The following APP variants were observed in gnomAD, a reference collection of about 807,000 sequenced individuals.
APP encodes the protein amyloid-beta precursor protein.
In APP, 31 loss-of-function variants were observed where a neutral mutation model predicts 101.4. That is an observed-to-expected ratio of 0.31 (90% CI 0.23 to 0.41). APP has a LOEUF of 0.41. Ranked by LOEUF, APP falls within the 10% of genes least tolerant of loss-of-function variation. The pLI is 1.00. For synonymous variants in APP, 366 were observed against 364.4 expected, an observed-to-expected ratio of 1.00 and a Z score of -0.05; for missense variants, 839 against 1,003.7, an observed-to-expected ratio of 0.84 and a Z score of 2.22.
rs139865306 is a variant in APP, at chr21:26,063,190, C to T, written c.356-9842G>A. On this transcript the variant is annotated intron_variant, in intron 3 of 17. Transcript: ENST00000346798. ...GAGATATAGTGTCCATGTGGTAATA[C>T]GTTAGAGTAGGAAACATCCGGATGA... Among the ~76,000 whole-genome samples, 119 of 152,140 alleles carry T rather than the reference C, an allele frequency of 7.8e-4. 2 individuals are homozygous for T. Among genetic ancestry groups the T allele is most frequent in the Middle Eastern group, 3.4e-3 (1 of 294 alleles).
intron 14 of APP, among the ~76,000 whole-genome samples, chr21:25,909,633 G>A (rs1024092678): frequency 3.3e-5 from 5 of 152,214 alleles, no homozygotes; most frequent in Non-Finnish European, 7.3e-5. Flanking sequence ...TCCTAAGGCT[G>A]ATGCAACAAG....
At chr21:25,998,656 C>T (rs2043151031) in intron 7 of APP, among the ~76,000 whole-genome samples, 1 of 152,092 alleles carries the variant, frequency 6.6e-6, no homozygotes, top group Non-Finnish European at 1.5e-5. Flanking sequence ...GCCACCCTTG[C>T]AACACAGCGG....
chr21:25,881,753 G>T lies in APP; in HGVS notation c.2230C>A (p.Pro744Thr). The change falls in exon 18 of 18, where the codon CCA becomes ACA. Residue 744 changes from proline (P) to threonine (T), a missense_variant. Coordinates refer to ENST00000346798, the MANE Select transcript of APP (RefSeq NM_000484.4). ...GVVEVDAAVT[P>T]EERHLSKMQQ... ...ATCTTGGACAGGTGGCGCTCCTCTGGGGTGACAGCGGCGTCAACCTGAAAA... is the reference window on the plus strand; with the variant it reads ...ATCTTGGACAGGTGGCGCTCCTCTGTGGTGACAGCGGCGTCAACCTGAAAA... 6.2e-7 allele frequency: 1 copy of T among 1,613,730 alleles called. No individual in the cohort carries two copies. Among genetic ancestry groups the T allele is most frequent in the Non-Finnish European group, 8.5e-7 (1 of 1,180,020 alleles).
intron 1 of APP, among the ~76,000 whole-genome samples, chr21:26,162,763 T>C (rs2063518276): frequency 2.0e-5 from 3 of 149,068 alleles, no homozygotes; most frequent in Non-Finnish European, 3.0e-5. Flanking sequence ...GTATCTTTTA[T>C]GGCTGAAAAG....
At chr21:25,915,208 C>T (rs953247640) in intron 13 of APP, among the ~76,000 whole-genome samples, 1 of 152,244 alleles carries the variant, frequency 6.6e-6, no homozygotes, top group African/African-American at 2.4e-5. Context: ...CCACAAAAGA[C>T]CATGCATACC....
chr21:25,938,859 G>A (rs1391957374), intron 13 of APP, among the ~76,000 whole-genome samples: 2 of 152,156 alleles, frequency 1.3e-5, no homozygotes, highest in African/African-American at 2.4e-5. Flanking sequence ...AGCGAGAGAC[G>A]CTAGCTTCCC....
chr21:25,957,426 T>G (rs2041370364), intron 11 of APP, among the ~76,000 whole-genome samples: 1 of 152,230 alleles, frequency 6.6e-6, no homozygotes, highest in South Asian at 2.1e-4. Flanking sequence ...GAAGGATATT[T>G]GATATGCAGA....
chr21:26,135,794 A>C (rs2062884528), intron 1 of APP, among the ~76,000 whole-genome samples: 1 of 152,140 alleles, frequency 6.6e-6, no homozygotes, highest in Non-Finnish European at 1.5e-5. Flanking sequence ...ATCAAAACGA[A>C]GCCCCAGAGA....
At chr21:26,144,835 C>G (rs1004239800) in intron 1 of APP, among the ~76,000 whole-genome samples, 3 of 152,120 alleles carry the variant, frequency 2.0e-5, no homozygotes, top group African/African-American at 7.2e-5. Flanking sequence ...GGGAGTTGCT[C>G]CTTGATGTTC....
At chr21:25,973,080 T>C (rs548221691) in intron 11 of APP, among the ~76,000 whole-genome samples, 1 of 148,834 alleles carries the variant, frequency 6.7e-6, no homozygotes, top group East Asian at 2.0e-4. Flanking sequence ...ACAAAGGAGA[T>C]AAACCAGTAA....
intron 16 of APP, among the ~76,000 whole-genome samples, chr21:25,897,197 C>G (rs1300018572): frequency 1.3e-5 from 2 of 152,018 alleles, no homozygotes; most frequent in African/African-American, 4.8e-5. Context: ...ACTGCAACCT[C>G]CACCTCCTGG....
intron 1 of APP, among the ~76,000 whole-genome samples, chr21:26,167,945 C>G (rs1297712727): frequency 6.6e-6 from 1 of 152,160 alleles, no homozygotes; most frequent in Non-Finnish European, 1.5e-5. Context: ...CTTTACTATT[C>G]TGTGTGTCGG....
At chr21:26,042,049 T>G (rs940877209) in intron 5 of APP, among the ~76,000 whole-genome samples, 2 of 152,188 alleles carry the variant, frequency 1.3e-5, no homozygotes, top group Non-Finnish European at 2.9e-5. Context: ...CACTCTTACT[T>G]GACTCATCCA....
intron 13 of APP, among the ~76,000 whole-genome samples, chr21:25,922,951 G>C (rs549756579): frequency 1.4e-5 from 2 of 146,074 alleles, no homozygotes; most frequent in South Asian, 2.2e-4. Flanking sequence ...AACGAAGCTG[G>C]AGGCATCACA....
At chr21:25,998,991 CTT>C (rs2043165790) in intron 7 of APP, among the ~76,000 whole-genome samples, 2 of 152,178 alleles carry the variant, frequency 1.3e-5, no homozygotes, top group African/African-American at 4.8e-5. Context: ...AAGAGAAAGA[CTT>C]TGAAAATTAT....
intron 3 of APP, among the ~76,000 whole-genome samples, chr21:26,086,530 T>G (rs1438880483): frequency 6.8e-6 from 1 of 147,972 alleles, no homozygotes; most frequent in Non-Finnish European, 1.5e-5. Context: ...CGCTTAATGT[T>G]TAAGATAATT....
At chr21:25,941,289 T>C (rs1234860781) in intron 13 of APP, 1 of 152,132 alleles carries the variant, frequency 6.6e-6, no homozygotes, top group Non-Finnish European at 1.5e-5. Context: ...GGAAAACCTA[T>C]CTGTTTTGTC....
At chr21:25,981,821 G>A (rs942437685) in intron 9 of APP, among the ~76,000 whole-genome samples, 1 of 145,750 alleles carries the variant, frequency 6.9e-6, no homozygotes, top group Non-Finnish European at 1.5e-5. Context: ...ATTTTGCTTT[G>A]TGCTAAAATG....
At chr21:25,912,057 A>C (rs766556511) in intron 13 of APP, 95 bp from the exon 14 acceptor site, 921 of 926,878 alleles carry the variant, frequency 9.9e-4, no homozygotes, top group Non-Finnish European at 1.3e-3. Flanking sequence ...GCAAGACTTC[A>C]ACTGCTTTCA....
Sources: gnomAD v4.1 joint callset for allele counts (sites outside exome capture counted in the v4.1 genomes callset) on GRCh38, gnomAD v4.1.1 for gene constraint, MANE v1.5 for transcripts, NCBI Gene and HGNC (gene_info 2026-07-23, HGNC 2026-07-21) for gene names.